Variants in EARS2 observed in about 807,000 individuals in gnomAD.
The protein encoded by EARS2 is nondiscriminating glutamyl-tRNA synthetase EARS2, mitochondrial.
EARS2 carries 50 observed loss-of-function variants against 54.1 expected under a neutral mutation model. The observed-to-expected ratio is 0.92, with a 90% CI of 0.74 to 1.17. EARS2 has a LOEUF of 1.17. EARS2 is among the 50% of genes most tolerant of loss of function. The pLI, the probability that EARS2 is intolerant of heterozygous loss-of-function variation, is 0.00. For missense variants in EARS2, 673 were observed against 675.0 expected (o/e 1.00, Z 0.03); for synonymous variants, 298 against 281.0 (o/e 1.06, Z -0.61).
chr16:23,541,599 A>C (rs577698631), intron 3 of EARS2, among the ~76,000 whole-genome samples: 19 of 152,340 alleles, frequency 1.2e-4, no homozygotes, highest in Admixed American at 5.9e-4. Context: ...TGGAGGAGAC[A>C]TAAGAAAATT....
Position 23,523,152 on chromosome 16 carries a change from A to G in EARS2, c.*1219T>C, listed in dbSNP as rs1965168033. The G allele has an allele frequency of 6.6e-6, 1 of 152,294 alleles. No individual in the cohort carries two copies. Among genetic ancestry groups the G allele is most frequent in the African/African-American group, 2.4e-5 (1 of 41,478 alleles). The allele number at this position is 152,294 out of a possible 1,614,324, so 9.4% of individuals were successfully genotyped here. On this transcript the variant is annotated 3_prime_UTR_variant, in exon 9 of 9. Coordinates refer to ENST00000449606, the MANE Select transcript of EARS2 (RefSeq NM_001083614.2). ...AACCACACAAGGGTGTGAATAGAAG[A>G]AGGCAGGGATGGTTGGGGGCCAACT...
At chr16:23,543,817 C>A (rs1480992343) in intron 3 of EARS2, among the ~76,000 whole-genome samples, 2 of 151,804 alleles carry the variant, frequency 1.3e-5, no homozygotes, top group African/African-American at 4.8e-5. Context: ...AATACAACAC[C>A]CAAACACATG....
intron 7 of EARS2, among the ~76,000 whole-genome samples, chr16:23,527,506 G>C (rs942483900): frequency 2.6e-5 from 4 of 150,970 alleles, no homozygotes; most frequent in Admixed American, 2.0e-4. Context: ...CTAACTGTCA[G>C]CACTGAAGCA....
intron 2 of EARS2, among the ~76,000 whole-genome samples, chr16:23,547,693 C>A (rs984429629): frequency 6.6e-5 from 10 of 152,032 alleles, no homozygotes; most frequent in African/African-American, 2.4e-4. Context: ...TTATTAGAGA[C>A]AGGGTTTCAA....
chr16:23,538,114 T>C (rs566175023), intron 3 of EARS2, among the ~76,000 whole-genome samples: 2 of 149,384 alleles, frequency 1.3e-5, no homozygotes, highest in South Asian at 4.3e-4. Context: ...ACATTGATGA[T>C]GCAGTAAGAA....
chr16:23,546,377 C>G (rs111315665), intron 2 of EARS2: 1 of 455,904 alleles, frequency 2.2e-6, no homozygotes, highest in East Asian at 6.9e-5. Context: ...TGGGTTCAAA[C>G]GTACCAGCCA....
Position 23,521,427 on chromosome 16 carries a change from T to A in EARS2, c.*2944A>T, listed in dbSNP as rs554360577. 6.6e-6 allele frequency among the ~76,000 whole-genome samples: 1 copy of A among 151,948 alleles called. No homozygotes were observed. The highest frequency in any genetic ancestry group is 1.9e-4 in the East Asian group (1 of 5,164). On this transcript the variant is annotated 3_prime_UTR_variant, in exon 9 of 9. Transcript: ENST00000449606. ...CATTTTTTTTTTTTTAGACACAGGA[T>A]CTTGCTCTGTTGCCCAGGTTAGAGT...
chr16:23,543,629 AG>A (rs1965552742), intron 3 of EARS2, among the ~76,000 whole-genome samples: 1 of 151,184 alleles, frequency 6.6e-6, no homozygotes. Context: ...GCTACCCAGG[AG>A]GCTGAGGCAG....
In EARS2 at chr16:23,524,452, T is replaced by C. The variant is rs745678462; in HGVS notation, c.1491A>G (p.Gln497=). Residue 497 remains glutamine, a splice_region_variant and synonymous_variant, in exon 9 of 9, where the codon CAA becomes CAG. Transcript: ENST00000449606. ...ACATCATCTCAGCTACAGGAGGTCC[T>C]TGCTAAGAACAAAAAGAGCAAATAT... ...LLRMALSGQQ[Q]GPPVAEMMLA... 8.1e-6 allele frequency: 13 copies of C among 1,613,902 alleles called. No homozygotes were observed. Among genetic ancestry groups the C allele is most frequent in the Middle Eastern group, 1.6e-4 (1 of 6,084 alleles).
Position 23,521,800 on chromosome 16 carries a change from T to C in EARS2, c.*2571A>G, listed in dbSNP as rs1965145721. 6.6e-6 allele frequency: 3 copies of C among 454,656 alleles called. No homozygotes were observed. The highest frequency in any genetic ancestry group is 8.8e-6 in the Non-Finnish European group (2 of 226,514). The allele number at this position is 454,656 out of a possible 1,614,324, so 28.2% of individuals were successfully genotyped here. On this transcript the variant is annotated 3_prime_UTR_variant, in exon 9 of 9. Transcript: ENST00000449606. ...TTTGTTAAAAACACTCACTTGACCA[T>C]GAGCCAAGAAGCTCCTTTTAACCAT...
intron 7 of EARS2, 82 bp downstream of exon 7, chr16:23,529,420 C>T (rs772276606): frequency 1.8e-5 from 28 of 1,531,214 alleles, no homozygotes; most frequent in Admixed American, 1.1e-4. Context: ...CCCCAACAGC[C>T]CAGCCCTGAA....
rs1368738385 is a variant in EARS2, at chr16:23,521,111, A to G, written c.*3260T>C. On this transcript the variant is annotated 3_prime_UTR_variant, in exon 9 of 9. Coordinates refer to ENST00000449606, the MANE Select transcript of EARS2 (RefSeq NM_001083614.2). ...CCAGCTCTAATTTAGTATTTTTTAA[A>G]AACTGTGGTAAAATACAGAAAAATA... 6.6e-6 allele frequency among the ~76,000 whole-genome samples: 1 copy of G among 152,170 alleles called. No homozygotes were observed. Among genetic ancestry groups the G allele is most frequent in the African/African-American group, 2.4e-5 (1 of 41,450 alleles).
In EARS2 at chr16:23,522,882, C is replaced by T. The variant is rs550430030; in HGVS notation, c.*1489G>A. 8.5e-5 allele frequency: 13 copies of T among 152,254 alleles called. No homozygotes were observed. The highest frequency in any genetic ancestry group is 6.2e-4 in the South Asian group (3 of 4,826). The allele number at this position is 152,254 out of a possible 1,614,324, so 9.4% of individuals were successfully genotyped here. A position where few individuals can be genotyped will look rare whatever the true frequency, so the allele number is the denominator to read the frequency against. On this transcript the variant is annotated 3_prime_UTR_variant, in exon 9 of 9. Coordinates refer to ENST00000449606, the MANE Select transcript of EARS2 (RefSeq NM_001083614.2). The stretch of plus-strand genomic sequence containing the variant: ...GAATGCTTGGCTGGAATTGAAGGAC[C>T]AGCTTTCAAGATTGCACACTCCCAT...
intron 5 of EARS2, among the ~76,000 whole-genome samples, chr16:23,530,896 ATT>A (rs35956690): frequency 1.4e-5 from 2 of 143,620 alleles, no homozygotes; most frequent in East Asian, 2.1e-4. Context: ...AGAAAGAGGC[ATT>A]TTTTTTTTTT....
At chr16:23,554,262 C>T (rs1965741533) in intron 1 of EARS2, among the ~76,000 whole-genome samples, 1 of 152,116 alleles carries the variant, frequency 6.6e-6, no homozygotes, top group African/African-American at 2.4e-5. Context: ...TCAAGCAATC[C>T]TTACACTTCA....
intron 7 of EARS2, among the ~76,000 whole-genome samples, chr16:23,527,689 G>T (rs1965253691): frequency 6.6e-6 from 1 of 151,792 alleles, no homozygotes; most frequent in Non-Finnish European, 1.5e-5. Flanking sequence ...GAGTAGCTGG[G>T]ACTACAGGCG....
intron 3 of EARS2, among the ~76,000 whole-genome samples, chr16:23,542,399 C>A (rs1965530592): frequency 6.8e-6 from 1 of 146,530 alleles, no homozygotes; most frequent in Non-Finnish European, 1.5e-5. Context: ...CTCACTGCAA[C>A]CTCCACTTCC....
intron 3 of EARS2, among the ~76,000 whole-genome samples, chr16:23,538,584 C>T (rs1021054196): frequency 3.3e-5 from 5 of 152,116 alleles, no homozygotes; most frequent in Admixed American, 1.3e-4. Context: ...TGTCCAAGTG[C>T]GGTGGCTCAC....
intron 3 of EARS2, among the ~76,000 whole-genome samples, chr16:23,543,847 T>C (rs868584867): frequency 6.6e-6 from 1 of 151,520 alleles, no homozygotes. Flanking sequence ...ACAGTCAAAA[T>C]AGTCAAAACT....
Sources: gnomAD v4.1 joint callset for allele counts (sites outside exome capture counted in the v4.1 genomes callset) on GRCh38, gnomAD v4.1.1 for gene constraint, MANE v1.5 for transcripts, NCBI Gene and HGNC (gene_info 2026-07-23, HGNC 2026-07-21) for gene names.